Variants in NRG3 observed in about 807,000 individuals in gnomAD.
NRG3 encodes pro-neuregulin-3, membrane-bound isoform.
A neutral mutation model predicts 66.9 loss-of-function variants in NRG3; 31 were observed. That is an observed-to-expected ratio of 0.46 (90% CI 0.35 to 0.63). NRG3 has a LOEUF of 0.63. NRG3 is among the 20% of genes least tolerant of loss of function. The pLI is 0.00. For synonymous variants in NRG3, 393 were observed against 359.4 expected, an observed-to-expected ratio of 1.09 and a Z score of -1.06; for missense variants, 910 against 878.9, an observed-to-expected ratio of 1.04 and a Z score of -0.45.
chr10:82,984,745 C>T, intron 8 of NRG3: 1 of 1,550,310 alleles, frequency 6.5e-7, no homozygotes, highest in Non-Finnish European at 8.7e-7. Flanking sequence ...GGAAAGGCCA[C>T]ACTTACCTGC....
chr10:82,197,924 A>T (rs1415779499), intron 1 of NRG3, among the ~76,000 whole-genome samples: 1 of 152,182 alleles, frequency 6.6e-6, no homozygotes, highest in Non-Finnish European at 1.5e-5. Context: ...GCTTTGTTTA[A>T]ATGGCTGTCG....
intron 3 of NRG3, among the ~76,000 whole-genome samples, chr10:82,823,752 G>C (rs2062056712): frequency 6.6e-6 from 1 of 152,266 alleles, no homozygotes; most frequent in South Asian, 2.1e-4. Context: ...TTTATCTTCA[G>C]AGTAACCCCA....
chr10:82,382,979 TGG>T (rs1237078753), intron 2 of NRG3, among the ~76,000 whole-genome samples: 2 of 152,008 alleles, frequency 1.3e-5, no homozygotes, highest in Non-Finnish European at 2.9e-5. Flanking sequence ...TTAGTGAGAT[TGG>T]CCTGGCCTAA....
chr10:81,964,285 A>G (rs2059642602), intron 1 of NRG3, among the ~76,000 whole-genome samples: 1 of 151,810 alleles, frequency 6.6e-6, no homozygotes, highest in Admixed American at 6.6e-5. Flanking sequence ...TCTTTTTTTA[A>G]AAAACAGCTG....
intron 1 of NRG3, among the ~76,000 whole-genome samples, chr10:81,948,236 G>A (rs1225216067): frequency 6.6e-6 from 1 of 152,118 alleles, no homozygotes; most frequent in Admixed American, 6.6e-5. Flanking sequence ...ACAACATTGA[G>A]GGAAAAGCGA....
chr10:82,056,537 G>C (rs2063854825), intron 1 of NRG3, among the ~76,000 whole-genome samples: 1 of 152,256 alleles, frequency 6.6e-6, no homozygotes, highest in Non-Finnish European at 1.5e-5. Context: ...TGGAAGGATC[G>C]TCAAACTTGT....
At chr10:82,547,932 T>C (rs191492392) in intron 2 of NRG3, among the ~76,000 whole-genome samples, 97 of 152,024 alleles carry the variant, frequency 6.4e-4, no homozygotes, top group African/African-American at 2.2e-3. Context: ...GATTGAAAGA[T>C]AGACTTATTT....
chr10:82,464,058 A>C (rs974642053), intron 2 of NRG3, among the ~76,000 whole-genome samples: 1 of 152,174 alleles, frequency 6.6e-6, no homozygotes, highest in Non-Finnish European at 1.5e-5. Context: ...CTTTACACTC[A>C]CTTACCCAAG....
At chr10:82,133,469 T>A (rs2069088635) in intron 1 of NRG3, among the ~76,000 whole-genome samples, 1 of 152,150 alleles carries the variant, frequency 6.6e-6, no homozygotes, top group South Asian at 2.1e-4. Context: ...TATTCATAAG[T>A]TCTCTTCATT....
At chr10:82,405,219 G>A (rs1187634587) in intron 2 of NRG3, among the ~76,000 whole-genome samples, 2 of 152,100 alleles carry the variant, frequency 1.3e-5, no homozygotes. Context: ...GATGTTTGAA[G>A]GAAGAGAGTG....
intron 2 of NRG3, among the ~76,000 whole-genome samples, chr10:82,548,460 T>C (rs1421106905): frequency 6.6e-6 from 1 of 151,738 alleles, no homozygotes; most frequent in Non-Finnish European, 1.5e-5. Flanking sequence ...CATGGCCTTG[T>C]TACCTATAGC....
At chr10:82,606,121 A>G (rs1238290517) in intron 2 of NRG3, among the ~76,000 whole-genome samples, 3 of 152,088 alleles carry the variant, frequency 2.0e-5, no homozygotes, top group Non-Finnish European at 4.4e-5. Context: ...ATGATCTTAG[A>G]CTATTGGTTT....
At chr10:82,275,191 T>C (rs2078782884) in intron 1 of NRG3, among the ~76,000 whole-genome samples, 1 of 152,062 alleles carries the variant, frequency 6.6e-6, no homozygotes, top group Non-Finnish European at 1.5e-5. Flanking sequence ...ATTCTTTAGA[T>C]TATCAATGTT....
intron 2 of NRG3, among the ~76,000 whole-genome samples, chr10:82,723,204 A>AATT (rs2057405361): frequency 6.6e-6 from 1 of 152,226 alleles, no homozygotes; most frequent in African/African-American, 2.4e-5. Flanking sequence ...ATCCTAAGCA[A>AATT]ATTAGTATAA....
chr10:82,196,743 G>A (rs907545513), intron 1 of NRG3, among the ~76,000 whole-genome samples: 1 of 152,180 alleles, frequency 6.6e-6, no homozygotes, highest in Non-Finnish European at 1.5e-5. Flanking sequence ...CAGTGAGTGA[G>A]TGAGTGAGTG....
In NRG3 at chr10:82,132,764, C is replaced by G. The variant is rs939732603; in HGVS notation, c.824-225975C>G. ...TTTGATCTCATTACTTGTTATTCGT[C>G]TATTCAGGTTTTGGATTTCTTCATG... On this transcript the variant is annotated intron_variant, in intron 1 of 8. Transcript: ENST00000372141. Among the ~76,000 whole-genome samples the G allele has an allele frequency of 2.0e-5, 3 of 151,288 alleles. No individual in the cohort carries two copies. The South Asian group carries it at 6.2e-4, about 31-fold the overall frequency.
chr10:82,422,774 G>T (rs572636839), intron 2 of NRG3, among the ~76,000 whole-genome samples: 2 of 151,974 alleles, frequency 1.3e-5, no homozygotes, highest in Non-Finnish European at 2.9e-5. Context: ...TTGCTATGTG[G>T]TAAATTATAT....
chr10:82,311,639 T>C (rs1284128882), intron 1 of NRG3, among the ~76,000 whole-genome samples: 1 of 152,192 alleles, frequency 6.6e-6, no homozygotes, highest in Non-Finnish European at 1.5e-5. Context: ...GTAAGTGTGC[T>C]CTTGCTGACC....
Position 82,302,363 on chromosome 10 carries a change from T to C in NRG3, c.824-56376T>C, listed in dbSNP as rs138693696. Among the ~76,000 whole-genome samples the C allele has an allele frequency of 6.8e-3, 1,041 of 152,274 alleles. 8 individuals are homozygous for C. The highest frequency in any genetic ancestry group is 0.024 in the African/African-American group (983 of 41,570). On this transcript the variant is annotated intron_variant, in intron 1 of 8. Coordinates refer to ENST00000372141, the MANE Select transcript of NRG3 (RefSeq NM_001010848.4). The stretch of plus-strand genomic sequence containing the variant: ...CCTAGCCACAATTTATCAGTAATCA[T>C]ACGTGTTTGTTGGCTACCATATTGT...
Sources: allele counts gnomAD v4.1 joint callset (sites outside exome capture counted in the v4.1 genomes callset), GRCh38; gene constraint gnomAD v4.1.1; transcripts MANE v1.5; gene names NCBI Gene and HGNC (gene_info 2026-07-23, HGNC 2026-07-21).